Variants in TXNL4A observed in about 807,000 individuals in gnomAD.
The protein encoded by TXNL4A is thioredoxin-like protein 4A.
In TXNL4A, 17 loss-of-function variants were observed where a neutral mutation model predicts 14.6. The ratio of observed to expected loss-of-function variants is 1.16; its 90% CI spans 0.80 to 1.74. The LOEUF (loss-of-function observed/expected upper bound fraction) is 1.74, where lower values mean the gene tolerates loss of function less well. Ranked by LOEUF, TXNL4A falls within the 40% of genes most tolerant of loss-of-function variation. The probability of loss-of-function intolerance (pLI) is 0.00; values close to 1 mark genes in which losing one functional copy is unlikely to be tolerated. For missense variants in TXNL4A, 74 were observed against 195.2 expected (o/e 0.38, Z 3.70); for synonymous variants, 83 against 70.6 (o/e 1.18, Z -0.88).
chr18:80,017,635 C>T (rs1365331352), intron 1 of TXNL4A, among the ~76,000 whole-genome samples: 1 of 150,576 alleles, frequency 6.6e-6, no homozygotes, highest in African/African-American at 2.5e-5. Context: ...TGGTTTTTGT[C>T]TTTGGTTCTG....
intron 1 of TXNL4A, among the ~76,000 whole-genome samples, chr18:79,997,803 C>T (rs2051672653): frequency 6.6e-6 from 1 of 152,232 alleles, no homozygotes; most frequent in Non-Finnish European, 1.5e-5. Flanking sequence ...TTTACTCAAA[C>T]AGCCACCAAA....
rs549472403 is a variant in TXNL4A at position 79,988,558 on chromosome 18, A to G, written c.-166T>C. The G allele has an allele frequency of 6.9e-5, 47 of 685,732 alleles. No individual in the cohort carries two copies. In the African/African-American group the frequency reaches 8.8e-4, roughly 13 times the overall value. The allele number at this position is 685,732 out of a possible 1,614,324, so 42.5% of individuals were successfully genotyped here. On this transcript the variant is annotated 5_prime_UTR_variant, in exon 1 of 3. Coordinates refer to ENST00000269601, the MANE Select transcript of TXNL4A (RefSeq NM_006701.5). ...TCCGCTGGGACTGCCACCCGGCAGA[A>G]CGTCTGGGCGCGCACGCACCGACGC...
chr18:79,988,781 G>T (rs1256811222), upstream of TXNL4A, among the ~76,000 whole-genome samples: 1 of 151,908 alleles, frequency 6.6e-6, no homozygotes. Flanking sequence ...GTCCTGAGAA[G>T]CCCCGGGCTC....
Position 79,982,038 on chromosome 18 carries a change from CTCTG to C in TXNL4A, c.154-4341_154-4338del, listed in dbSNP as rs1363797714. On this transcript the variant is annotated intron_variant, in intron 1 of 2. Transcript: ENST00000269601. This position sits in a 1 kb window ranked among gnomAD's most constrained non-coding sequence, Gnocchi z 4.0. ...GGGGAAGGGGCAGAGCTGAGATGCA[CTCTG>C]TCTGGCTCCAAAGCCTGAACTCTGG... Among the ~76,000 whole-genome samples the C allele has an allele frequency of 6.6e-6, 1 of 152,238 alleles. No homozygotes were observed. The highest frequency in any genetic ancestry group is 2.4e-5 in the African/African-American group (1 of 41,470).
At chr18:79,999,304 G>A (rs2051683287) in intron 1 of TXNL4A, among the ~76,000 whole-genome samples, 1 of 152,104 alleles carries the variant, frequency 6.6e-6, no homozygotes, top group Admixed American at 6.6e-5. Context: ...GGGAGGCCGA[G>A]GCGGGCGGAT....
At chr18:80,031,704 T>C (rs577206040) in intron 1 of TXNL4A, among the ~76,000 whole-genome samples, 14 of 152,244 alleles carry the variant, frequency 9.2e-5, no homozygotes, top group Non-Finnish European at 2.1e-4. Context: ...TGCAAAATCA[T>C]ATGGCTTTAG....
Position 80,016,923 on chromosome 18 carries a change from G to C in TXNL4A, c.-61+16928C>G, listed in dbSNP as rs569207908. 2.4e-3 allele frequency among the ~76,000 whole-genome samples: 359 copies of C among 152,182 alleles called. 1 individual carries two copies. Among genetic ancestry groups the C allele is most frequent in the African/African-American group, 8.4e-3 (348 of 41,482 alleles). ...AGAAAGTCATTGGTAGCTTGATGGG[G>C]ATGGCATTGAATCTATAATTACCTT... On this transcript the variant is annotated intron_variant, in intron 1 of 2. Transcript: ENST00000585474.
At chr18:80,023,318 CATAAAAG>C in intron 1 of TXNL4A, among the ~76,000 whole-genome samples, 1 of 152,040 alleles carries the variant, frequency 6.6e-6, no homozygotes, top group East Asian at 1.9e-4. Flanking sequence ...GATAGAGGGA[CATAAAAG>C]GAAAAAGAAT....
Position 79,988,221 on chromosome 18 carries a change from G to C in TXNL4A, c.153+19C>G. ...ATGCGGAAGCACAGCCCGCAGAGCG[G>C]GAGAGTCCGGCGCGCTACCTTCTCG... is the stretch of plus-strand genomic sequence containing the variant. On this transcript the variant is annotated intron_variant, in intron 1 of 2. Transcript: ENST00000269601. 6.7e-7 allele frequency: 1 copy of C among 1,503,536 alleles called. No homozygotes were observed. The highest frequency in any genetic ancestry group is 9.0e-7 in the Non-Finnish European group (1 of 1,105,468). The allele number at this position is 1,503,536 out of a possible 1,614,324, so 93.1% of individuals were successfully genotyped here. A position where few individuals can be genotyped will look rare whatever the true frequency, so the allele number is the denominator to read the frequency against.
intron 1 of TXNL4A, among the ~76,000 whole-genome samples, chr18:80,027,571 C>T (rs901629093): frequency 3.3e-5 from 5 of 152,176 alleles, no homozygotes; most frequent in African/African-American, 9.7e-5. Flanking sequence ...ACGGTAATGC[C>T]TCAAGGGTAT....
At chr18:79,991,107 CAAAAA>C (rs34442066), upstream of TXNL4A, among the ~76,000 whole-genome samples, 1 of 91,624 alleles carries the variant, frequency 1.1e-5, no homozygotes, top group Admixed American at 1.2e-4. Flanking sequence ...GACTCCGTCT[CAAAAA>C]AAAAAAAAAA....
intron 1 of TXNL4A, among the ~76,000 whole-genome samples, chr18:79,999,418 C>G (rs1270268901): frequency 6.6e-6 from 1 of 151,792 alleles, no homozygotes; most frequent in African/African-American, 2.4e-5. Flanking sequence ...TGCCTGTAAT[C>G]CCAGCTACTT....
intron 1 of TXNL4A, among the ~76,000 whole-genome samples, chr18:80,020,634 C>A (rs145141726): frequency 1.3e-5 from 2 of 152,258 alleles, no homozygotes; most frequent in African/African-American, 4.8e-5. Context: ...GAAGACTGAG[C>A]GTAGGTGCTT....
At chr18:79,978,721 T>C (rs2051417295) in intron 1 of TXNL4A, among the ~76,000 whole-genome samples, 1 of 152,154 alleles carries the variant, frequency 6.6e-6, no homozygotes, top group African/African-American at 2.4e-5. Context: ...CTTGAACTCC[T>C]GGACTCAAGT....
chr18:79,984,568 C>T (rs1464409613), intron 1 of TXNL4A, among the ~76,000 whole-genome samples: 1 of 151,956 alleles, frequency 6.6e-6, no homozygotes, highest in Non-Finnish European at 1.5e-5. Flanking sequence ...TTGTCTCAAA[C>T]AAACAAAAAA....
At position 79,988,362 on chromosome 18, in the gene TXNL4A, C is replaced by A; in HGVS notation, c.31G>T (p.Gly11Cys). 1 of 1,555,380 alleles carries A rather than the reference C, an allele frequency of 6.4e-7. No homozygotes were observed. Among genetic ancestry groups the A allele is most frequent in the Admixed American group, 1.9e-5 (1 of 53,000 alleles). Reference protein sequence around the residue: MSYMLPHLHNGWQVDQAILSE... With the variant: MSYMLPHLHNCWQVDQAILSE... Reference sequence around the variant, plus strand: ...AGGATGGCCTGGTCCACCTGCCAGCCGTTGTGCAGGTGCGGGAGCATGTAC... The same window carrying A: ...AGGATGGCCTGGTCCACCTGCCAGCAGTTGTGCAGGTGCGGGAGCATGTAC... Residue 11 changes from glycine to cysteine, a missense_variant, in exon 1 of 3, where the codon GGC becomes TGC. Gly to Cys is a radical substitution (Grantham distance 159, BLOSUM62 -3). Coordinates refer to ENST00000269601, the MANE Select transcript of TXNL4A (RefSeq NM_006701.5).
chr18:80,021,626 G>T (rs2051849697), intron 1 of TXNL4A, among the ~76,000 whole-genome samples: 1 of 152,194 alleles, frequency 6.6e-6, no homozygotes, highest in Non-Finnish European at 1.5e-5. Flanking sequence ...ACCACTGGAT[G>T]GATTGGAACT....
chr18:80,015,355 A>AATTATG (rs1555721593), intron 1 of TXNL4A, among the ~76,000 whole-genome samples: 1 of 148,486 alleles, frequency 6.7e-6, no homozygotes, highest in Non-Finnish European at 1.5e-5. Flanking sequence ...TTTTTTAAAA[A>AATTATG]ATTATTATTA....
At chr18:79,985,086 A>C (rs1568367601) in intron 1 of TXNL4A, among the ~76,000 whole-genome samples, 1 of 152,064 alleles carries the variant, frequency 6.6e-6, no homozygotes, top group East Asian at 1.9e-4. Flanking sequence ...AAATGGAAAG[A>C]TAGCTCAAAG....
Sources: allele counts gnomAD v4.1 joint callset (sites outside exome capture counted in the v4.1 genomes callset), GRCh38; gene constraint gnomAD v4.1.1; non-coding constraint Gnocchi (gnomAD v3.1); transcripts MANE v1.5; gene names NCBI Gene and HGNC (gene_info 2026-07-23, HGNC 2026-07-21).